Variants in C6orf52 observed in about 807,000 individuals in gnomAD.
C6orf52 encodes the protein putative uncharacterized protein C6orf52.
Under a neutral mutation model 16.6 loss-of-function variants are expected in C6orf52, and 16 were observed. That is an observed-to-expected ratio of 0.96 (90% CI 0.65 to 1.46). The LOEUF is 1.46. Among genes scored for constraint, C6orf52 ranks in the 40% most tolerant of loss-of-function variants. C6orf52 has a pLI of 0.00. For synonymous variants in C6orf52, 53 were observed against 61.4 expected, an observed-to-expected ratio of 0.86 and a Z score of 0.64; for missense variants, 166 against 182.3, an observed-to-expected ratio of 0.91 and a Z score of 0.52.
intron 4 of C6orf52, among the ~76,000 whole-genome samples, chr6:10,675,954 A>G (rs1178654495): frequency 1.3e-5 from 2 of 148,880 alleles, no homozygotes; most frequent in Non-Finnish European, 2.9e-5. Context: ...CAACATGGTG[A>G]AACCCCGTCT....
chr6:10,684,120 A>G (rs1295550084), intron 3 of C6orf52, among the ~76,000 whole-genome samples: 1 of 152,198 alleles, frequency 6.6e-6, no homozygotes, highest in Non-Finnish European at 1.5e-5. Flanking sequence ...ATAAATTTCA[A>G]AAGACAATCT....
chr6:10,682,532 G>T (rs142383825), intron 4 of C6orf52, among the ~76,000 whole-genome samples: 1 of 152,142 alleles, frequency 6.6e-6, no homozygotes, highest in Non-Finnish European at 1.5e-5. Flanking sequence ...GCAGTGGGTG[G>T]GTTTGTCTGG....
chr6:10,672,882 T>C (rs762226321), intron 4 of C6orf52, among the ~76,000 whole-genome samples: 11 of 152,198 alleles, frequency 7.2e-5, no homozygotes, highest in African/African-American at 1.4e-4. Context: ...TATGTTACAG[T>C]AGCCCTAGAA....
At chr6:10,688,982 T>G (rs1442784314) in intron 1 of C6orf52, among the ~76,000 whole-genome samples, 3 of 152,080 alleles carry the variant, frequency 2.0e-5, no homozygotes, top group African/African-American at 7.2e-5. Flanking sequence ...TGGCTAATGT[T>G]TGTATTTTTA....
chr6:10,675,745 C>T (rs1258961276), intron 4 of C6orf52, among the ~76,000 whole-genome samples: 2 of 152,196 alleles, frequency 1.3e-5, no homozygotes, highest in African/African-American at 2.4e-5. Flanking sequence ...TATCTCACTA[C>T]TGTGGTTTTA....
intron 2 of C6orf52, 41 bp from the exon 3 acceptor site, chr6:10,687,205 C>A: frequency 7.2e-7 from 1 of 1,381,332 alleles, no homozygotes; most frequent in African/African-American, 1.4e-5. Flanking sequence ...CAGAATCATC[C>A]ACAAACCCCC....
chr6:10,675,405 G>A (rs139312402), intron 4 of C6orf52, among the ~76,000 whole-genome samples: 2,065 of 152,108 alleles, frequency 0.014, 48 homozygotes, highest in African/African-American at 0.046. Flanking sequence ...GTGTATATAC[G>A]CATTTTCTTT....
upstream of C6orf52, chr6:10,694,635 T>G (rs1223913320): frequency 9.4e-6 from 2 of 213,246 alleles, no homozygotes; most frequent in African/African-American, 2.3e-5. Flanking sequence ...CTCCTCCTGA[T>G]GTCACGGAAA....
At chr6:10,677,545 T>TC (rs1768004367) in intron 4 of C6orf52, among the ~76,000 whole-genome samples, 1 of 151,232 alleles carries the variant, frequency 6.6e-6, no homozygotes, top group African/African-American at 2.5e-5. Flanking sequence ...CTTTTTTTTT[T>TC]TCCCAAGACA....
At chr6:10,683,475 G>A (rs868584279) in intron 3 of C6orf52, among the ~76,000 whole-genome samples, 139 of 152,168 alleles carry the variant, frequency 9.1e-4, no homozygotes, top group African/African-American at 3.0e-3. Flanking sequence ...CAAGCCTAAC[G>A]AGGGCCCCTG....
At chr6:10,688,969 G>A (rs909787471) in intron 1 of C6orf52, among the ~76,000 whole-genome samples, 1 of 152,020 alleles carries the variant, frequency 6.6e-6, no homozygotes. Context: ...CTGGCACCAC[G>A]CCTGGCTAAT....
intron 4 of C6orf52, among the ~76,000 whole-genome samples, chr6:10,679,594 C>A (rs1254405914): frequency 2.0e-4 from 29 of 148,642 alleles, no homozygotes; most frequent in African/African-American, 7.2e-4. Flanking sequence ...AAAACAAAAA[C>A]CATAGTCTCT....
At chr6:10,673,377 A>G (rs1205264036) in intron 4 of C6orf52, among the ~76,000 whole-genome samples, 1 of 152,236 alleles carries the variant, frequency 6.6e-6, no homozygotes, top group Non-Finnish European at 1.5e-5. Flanking sequence ...AGACAAACTA[A>G]TTATATCATC....
At chr6:10,677,892 A>G (rs907186937) in intron 4 of C6orf52, among the ~76,000 whole-genome samples, 15 of 151,828 alleles carry the variant, frequency 9.9e-5, no homozygotes, top group Non-Finnish European at 2.1e-4. Context: ...AGTACATTGA[A>G]TCTGGCTGGG....
chr6:10,676,848 CAT>C (rs1252566316), intron 4 of C6orf52, among the ~76,000 whole-genome samples: 17 of 152,226 alleles, frequency 1.1e-4, no homozygotes, highest in African/African-American at 4.1e-4. Flanking sequence ...AACCCACCCA[CAT>C]GTGTCCATGT....
intron 4 of C6orf52, among the ~76,000 whole-genome samples, chr6:10,676,307 T>C (rs1767877025): frequency 6.6e-6 from 1 of 152,238 alleles, no homozygotes; most frequent in South Asian, 2.1e-4. Flanking sequence ...TAACCCCTTA[T>C]TGATACAGGA....
chr6:10,687,299 G>A (rs1000763656), intron 2 of C6orf52, 135 bp from the exon 3 acceptor site: 7 of 783,316 alleles, frequency 8.9e-6, no homozygotes, highest in East Asian at 2.7e-5. Flanking sequence ...TGTAGATGAC[G>A]GGTTGATGGG....
At chr6:10,677,947 G>A (rs1309675231) in intron 4 of C6orf52, among the ~76,000 whole-genome samples, 1 of 151,908 alleles carries the variant, frequency 6.6e-6, no homozygotes, top group Non-Finnish European at 1.5e-5. Flanking sequence ...GGAGGCCAAA[G>A]CAGGTGGATC....
upstream of C6orf52, chr6:10,694,815 C>T: frequency 1.8e-6 from 1 of 569,142 alleles, no homozygotes; most frequent in Non-Finnish European, 3.1e-6. Flanking sequence ...CCTCCCCGCG[C>T]TTAAAGTGTT....
Sources: gnomAD v4.1 joint callset for allele counts (sites outside exome capture counted in the v4.1 genomes callset) on GRCh38, gnomAD v4.1.1 for gene constraint, MANE v1.5 for transcripts, NCBI Gene and HGNC (gene_info 2026-07-23, HGNC 2026-07-21) for gene names.